The following RFC3 variants were observed in gnomAD, a reference collection of about 807,000 sequenced individuals.
The protein encoded by RFC3 is replication factor C subunit 3.
Under a neutral mutation model 45.1 loss-of-function variants are expected in RFC3, and 41 were observed. The ratio of observed to expected loss-of-function variants is 0.91; its 90% CI spans 0.71 to 1.18. The LOEUF is 1.18. Among genes scored for constraint, RFC3 ranks in the 50% most tolerant of loss-of-function variants. RFC3 has a pLI of 0.00. For missense variants in RFC3, 423 were observed against 428.1 expected (o/e 0.99, Z 0.10); for synonymous variants, 149 against 144.0 (o/e 1.03, Z -0.25).
chr13:33,943,245 A>G (rs2082935530), intron 8 of RFC3, among the ~76,000 whole-genome samples: 1 of 152,166 alleles, frequency 6.6e-6, no homozygotes, highest in Non-Finnish European at 1.5e-5. Context: ...AGCATATTAC[A>G]TATGTTAACT....
intron 8 of RFC3, chr13:33,848,715 C>G (rs1270136671): frequency 8.6e-5 from 13 of 152,018 alleles, no homozygotes; most frequent in Admixed American, 8.5e-4. Flanking sequence ...ACTAGATGGA[C>G]TCATGGCTAG....
intron 8 of RFC3, chr13:33,849,856 TAC>T (rs1363918697): frequency 2.0e-5 from 3 of 151,906 alleles, no homozygotes; most frequent in Non-Finnish European, 4.4e-5. Context: ...CAGCCTGGAC[TAC>T]AGAGTAAGAC....
At chr13:33,827,281 T>A (rs538184633) in intron 4 of RFC3, among the ~76,000 whole-genome samples, 1 of 152,238 alleles carries the variant, frequency 6.6e-6, no homozygotes, top group South Asian at 2.1e-4. Flanking sequence ...AGAGCGAGAC[T>A]ATATCTCCAA....
chr13:33,903,379 A>T (rs916568811), intron 8 of RFC3, among the ~76,000 whole-genome samples: 1 of 152,156 alleles, frequency 6.6e-6, no homozygotes, highest in Non-Finnish European at 1.5e-5. Flanking sequence ...AGGTGTAAAA[A>T]AAATCTCAGA....
chr13:33,880,395 G>A (rs1243408121), intron 8 of RFC3, among the ~76,000 whole-genome samples: 1 of 152,168 alleles, frequency 6.6e-6, no homozygotes, highest in Non-Finnish European at 1.5e-5. Context: ...ACTATGGTGT[G>A]AGGGAGGTAG....
intron 8 of RFC3, among the ~76,000 whole-genome samples, chr13:33,965,651 A>G (rs964821725): frequency 6.6e-6 from 1 of 152,244 alleles, no homozygotes; most frequent in African/African-American, 2.4e-5. Flanking sequence ...GAAAAGGCCA[A>G]GGAAAGGGGT....
chr13:33,883,990 A>T (rs2082503159), intron 8 of RFC3, among the ~76,000 whole-genome samples: 1 of 152,224 alleles, frequency 6.6e-6, no homozygotes. Context: ...TTTGTCACCA[A>T]TGTGTAGCCT....
chr13:33,862,623 AAATAT>A lies in RFC3; in HGVS notation c.879+27412_879+27416del, dbSNP rs141514486. On this transcript the variant is annotated intron_variant, in intron 8 of 8. Transcript: ENST00000434425. ...ATGTTATAGGTTAAAATATACAGGT[AAATAT>A]AATATGTATGTATTACATATTCATG... Among the ~76,000 whole-genome samples, 788 of 152,332 alleles carry A rather than the reference AAATAT, an allele frequency of 5.2e-3. 2 individuals carry two copies. Among genetic ancestry groups the A allele is most frequent in the Non-Finnish European group, 6.8e-3 (464 of 68,030 alleles).
At chr13:33,957,548 AT>A (rs2083029555) in intron 8 of RFC3, among the ~76,000 whole-genome samples, 1 of 152,158 alleles carries the variant, frequency 6.6e-6, no homozygotes. Context: ...AATGGGCGAC[AT>A]TTGTTTTGGA....
At chr13:33,926,295 A>G (rs1320005942) in intron 8 of RFC3, among the ~76,000 whole-genome samples, 1 of 151,734 alleles carries the variant, frequency 6.6e-6, no homozygotes, top group Non-Finnish European at 1.5e-5. Flanking sequence ...CCAGCATGGC[A>G]CATGTATACA....
chr13:33,860,053 C>G (rs1999167), intron 8 of RFC3, among the ~76,000 whole-genome samples: 116,855 of 152,092 alleles, frequency 0.77, 47,374 homozygotes, highest in Non-Finnish European at 0.92. Flanking sequence ...TGTGAGGACA[C>G]AGCTTGAAGG....
At chr13:33,855,321 A>G (rs988161489) in intron 8 of RFC3, among the ~76,000 whole-genome samples, 2 of 152,164 alleles carry the variant, frequency 1.3e-5, no homozygotes. Context: ...TTTTCCCACA[A>G]AAATGGAAAT....
chr13:33,878,597 TG>T (rs2082462973), intron 8 of RFC3, among the ~76,000 whole-genome samples: 1 of 151,950 alleles, frequency 6.6e-6, no homozygotes. Flanking sequence ...GAGTTTGAGG[TG>T]TGTGGTAGGC....
At chr13:33,846,031 T>C (rs1428755822) in intron 8 of RFC3, among the ~76,000 whole-genome samples, 1 of 152,218 alleles carries the variant, frequency 6.6e-6, no homozygotes, top group Non-Finnish European at 1.5e-5. Flanking sequence ...CATAGAGATA[T>C]TGCCTTGGTG....
chr13:33,873,974 A>G (rs1593656413), intron 8 of RFC3, among the ~76,000 whole-genome samples: 1 of 152,200 alleles, frequency 6.6e-6, no homozygotes, highest in Non-Finnish European at 1.5e-5. Flanking sequence ...TCAAAATTTA[A>G]TGCTTTTGTA....
chr13:33,877,242 C>T (rs962750538), intron 8 of RFC3, among the ~76,000 whole-genome samples: 3 of 152,168 alleles, frequency 2.0e-5, no homozygotes, highest in Non-Finnish European at 2.9e-5. Context: ...GCTGATTATG[C>T]GGCCCACTGT....
At chr13:33,835,984 A>G in intron 8 of RFC3, 120 bp from the exon 9 acceptor site, 1 of 1,056,552 alleles carries the variant, frequency 9.5e-7, no homozygotes, top group South Asian at 2.1e-5. Flanking sequence ...ATAAAAAATT[A>G]AAGATCTCAC....
chr13:33,890,381 G>A lies in RFC3; in HGVS notation c.879+55164G>A, dbSNP rs140157023. On this transcript the variant is annotated intron_variant, in intron 8 of 8. Coordinates refer to the RFC3 transcript ENST00000434425. ...TGTATGTGCCATTACTACCCTATATGGGTAGTTCTGCCTTATCTGATAATA... is the reference window on the plus strand; with the variant it reads ...TGTATGTGCCATTACTACCCTATATAGGTAGTTCTGCCTTATCTGATAATA... 5.0e-3 allele frequency among the ~76,000 whole-genome samples: 763 copies of A among 152,148 alleles called. 7 individuals are homozygous for A. Among genetic ancestry groups the A allele is most frequent in the African/African-American group, 0.018 (737 of 41,502 alleles).
intron 8 of RFC3, 193 bp downstream of exon 8, chr13:33,835,410 C>G (rs773116022): frequency 1.9e-5 from 14 of 729,068 alleles, no homozygotes; most frequent in Admixed American, 1.9e-4. Context: ...GAGGGCCTGC[C>G]TAAAGTGAAG....
Sources: gnomAD v4.1 joint callset for allele counts (sites outside exome capture counted in the v4.1 genomes callset) on GRCh38, gnomAD v4.1.1 for gene constraint, MANE v1.5 for transcripts, NCBI Gene and HGNC (gene_info 2026-07-23, HGNC 2026-07-21) for gene names.